ZEB1: variants seen among roughly 807,000 people sequenced by gnomAD.
The protein encoded by ZEB1 is zinc finger E-box-binding homeobox 1.
ZEB1 carries 21 observed loss-of-function variants against 84.9 expected under a neutral mutation model. That is an observed-to-expected ratio of 0.25 (90% CI 0.18 to 0.36). The LOEUF (loss-of-function observed/expected upper bound fraction) is 0.36. Among genes scored for constraint, ZEB1 ranks in the 10% least tolerant of loss-of-function variants. The probability of loss-of-function intolerance (pLI) is 1.00; values close to 1 mark genes in which losing one functional copy is unlikely to be tolerated. For synonymous variants in ZEB1, 420 were observed against 471.1 expected, an observed-to-expected ratio of 0.89 and a Z score of 1.41; for missense variants, 1,104 against 1,330.2, an observed-to-expected ratio of 0.83 and a Z score of 2.65.
intron 1 of ZEB1, among the ~76,000 whole-genome samples, chr10:31,409,985 T>C (rs1240975670): frequency 6.6e-6 from 1 of 152,184 alleles, no homozygotes; most frequent in Non-Finnish European, 1.5e-5. Flanking sequence ...CCTCTTCCTA[T>C]TTGAATACCT....
intron 1 of ZEB1, among the ~76,000 whole-genome samples, chr10:31,347,200 A>G (rs1163325638): frequency 6.6e-6 from 1 of 152,186 alleles, no homozygotes; most frequent in African/African-American, 2.4e-5. Context: ...TAAAGAAACT[A>G]AAGCAATGTA....
chr10:31,501,520 T>A (rs1042193427), intron 3 of ZEB1, among the ~76,000 whole-genome samples: 2 of 152,196 alleles, frequency 1.3e-5, no homozygotes, highest in African/African-American at 4.8e-5. Context: ...GAAATCCTTC[T>A]TACTATAGAT....
intron 1 of ZEB1, among the ~76,000 whole-genome samples, chr10:31,377,350 C>G (rs1004457933): frequency 1.3e-4 from 20 of 151,630 alleles, no homozygotes; most frequent in Non-Finnish European, 5.9e-5. Context: ...TGAGACTGCT[C>G]TGCCACTAGT....
At position 31,527,093 on chromosome 10, in the gene ZEB1, G is replaced by T; in HGVS notation, c.3207G>T (p.Glu1069Asp). 5.6e-6 allele frequency: 9 copies of T among 1,595,044 alleles called. No homozygotes were observed. Among genetic ancestry groups the T allele is most frequent in the Non-Finnish European group, 7.7e-6 (9 of 1,169,120 alleles). The change falls in exon 9 of 9, where the codon GAG becomes GAT. Residue 1069 changes from glutamate to aspartate, a missense_variant. Glu to Asp is a conservative substitution (Grantham distance 45). This residue lies in a region of ZEB1 where 173 missense variants were observed against 167.0 expected (regional missense o/e 1.04). Transcript: ENST00000424869. ...KPQGDEEEEEEEEEVEEEEVE... is the reference protein window; with the variant it reads ...KPQGDEEEEEDEEEVEEEEVE... Reference sequence around the variant, plus strand: ...AAGGGGATGAGGAAGAGGAGGAGGAGGAGGAAGAAGTGGAAGAAGAAGAGG... The same window carrying T: ...AAGGGGATGAGGAAGAGGAGGAGGATGAGGAAGAAGTGGAAGAAGAAGAGG...
intron 4 of ZEB1, among the ~76,000 whole-genome samples, chr10:31,508,579 C>G (rs2069390229): frequency 6.6e-6 from 1 of 152,096 alleles, no homozygotes; most frequent in African/African-American, 2.4e-5. Context: ...GCTGGGTCAT[C>G]CCCACGTCCC....
chr10:31,424,007 TG>T (rs773973268), intron 1 of ZEB1, among the ~76,000 whole-genome samples: 4 of 152,038 alleles, frequency 2.6e-5, no homozygotes, highest in Non-Finnish European at 4.4e-5. Flanking sequence ...TATTTGCTTT[TG>T]TTTTTTTGTT....
At chr10:31,319,206 T>C, upstream of ZEB1, 4 of 1,581,294 alleles carry the variant, frequency 2.5e-6, no homozygotes, top group African/African-American at 1.4e-5. Context: ...AGGAGGTGAC[T>C]CGAGCATTTA....
intron 2 of ZEB1, among the ~76,000 whole-genome samples, chr10:31,471,752 A>G (rs2063287257): frequency 7.0e-6 from 1 of 143,398 alleles, no homozygotes; most frequent in Non-Finnish European, 1.5e-5. Flanking sequence ...AATCAACAGA[A>G]TATACATTTT....
intron 5 of ZEB1, among the ~76,000 whole-genome samples, chr10:31,513,590 C>T (rs1021591072): frequency 6.6e-6 from 1 of 152,058 alleles, no homozygotes; most frequent in Admixed American, 6.6e-5. Context: ...AATTCTCTTT[C>T]CTTCCTGTAT....
chr10:31,375,017 A>C (rs1314876533), intron 1 of ZEB1: 2 of 148,656 alleles, frequency 1.3e-5, no homozygotes, highest in African/African-American at 2.5e-5. Flanking sequence ...ATCTTTTTAA[A>C]GAAGGGAATG....
At position 31,324,433 on chromosome 10, in the gene ZEB1, G is replaced by A. The variant is rs116547660; in HGVS notation, c.58+5141G>A. Among the ~76,000 whole-genome samples, 1,229 of 152,114 alleles carry A rather than the reference G, an allele frequency of 8.1e-3. 22 individuals carry two copies. The highest frequency in any genetic ancestry group is 0.028 in the African/African-American group (1,174 of 41,550). Reference sequence around the variant, plus strand: ...ACCTGTATAAATCACTTTTAAGCATGTGGTTAGAGCCAGATGTAAACACAG... The same window carrying A: ...ACCTGTATAAATCACTTTTAAGCATATGGTTAGAGCCAGATGTAAACACAG... On this transcript the variant is annotated intron_variant, in intron 1 of 8. Transcript: ENST00000424869.
chr10:31,476,186 T>C (rs2064147956), intron 2 of ZEB1, among the ~76,000 whole-genome samples: 1 of 151,780 alleles, frequency 6.6e-6, no homozygotes. Context: ...GTTCTTTGAA[T>C]GGATAAACAA....
At chr10:31,406,827 TCTTATG>T (rs1183261771) in intron 1 of ZEB1, among the ~76,000 whole-genome samples, 3 of 152,260 alleles carry the variant, frequency 2.0e-5, no homozygotes, top group African/African-American at 7.2e-5. Flanking sequence ...TGGTTTTAGG[TCTTATG>T]TTTAAGTGTT....
At chr10:31,476,143 AATG>A (rs759031041) in intron 2 of ZEB1, among the ~76,000 whole-genome samples, 1 of 152,086 alleles carries the variant, frequency 6.6e-6, no homozygotes, top group Non-Finnish European at 1.5e-5. Flanking sequence ...ACCAAAAAAA[AATG>A]ATGAAAAGGA....
chr10:31,521,278 A>G lies in ZEB1; in HGVS notation c.1946A>G (p.Glu649Gly), dbSNP rs768896481. 6.2e-7 allele frequency: 1 copy of G among 1,614,064 alleles called. No individual in the cohort carries two copies. Among genetic ancestry groups the G allele is most frequent in the South Asian group, 1.1e-5 (1 of 91,080 alleles). Residue 649 changes from glutamate to glycine, a missense_variant, in exon 7 of 9, where the codon GAA (glutamate) becomes GGA (glycine). This residue lies in a region of ZEB1 where 531 missense variants were observed against 575.2 expected (regional missense o/e 0.92). Coordinates refer to ENST00000424869, the MANE Select transcript of ZEB1 (RefSeq NM_001174096.2). Reference sequence around the variant, plus strand: ...CAGTCTTCTGAACCATCTTCTCCTGAACCAGGCAAAGTAAATATCCCTGCC... The same window carrying G: ...CAGTCTTCTGAACCATCTTCTCCTGGACCAGGCAAAGTAAATATCCCTGCC... ...SVQSSEPSSP[E>G]PGKVNIPAKN...
intron 1 of ZEB1, among the ~76,000 whole-genome samples, chr10:31,426,363 T>C (rs2056926980): frequency 6.6e-6 from 1 of 152,026 alleles, no homozygotes; most frequent in African/African-American, 2.4e-5. Context: ...TAAGAGATAC[T>C]TGGGGAAAAG....
chr10:31,394,318 A>G (rs528323906), intron 1 of ZEB1, among the ~76,000 whole-genome samples: 53 of 152,324 alleles, frequency 3.5e-4, no homozygotes, highest in Middle Eastern at 3.4e-3. Context: ...GCAAGTCAAT[A>G]TTAGATACTA....
chr10:31,400,483 CATTT>C lies in ZEB1; in HGVS notation c.59-60550_59-60547del, dbSNP rs371870659. Among the ~76,000 whole-genome samples, 20 of 151,792 alleles carry C rather than the reference CATTT, an allele frequency of 1.3e-4. No individual in the cohort carries two copies. In the South Asian group the frequency reaches 4.0e-3, roughly 30 times the overall value. ...TTTTGCACAGATCCTTAGCTTTGACCATTTATTCTATTTTTAAAGTGTGGAATAC... is the reference window on the plus strand; with the variant it reads ...TTTTGCACAGATCCTTAGCTTTGACCATTCTATTTTTAAAGTGTGGAATAC... On this transcript the variant is annotated intron_variant, in intron 1 of 8. Coordinates refer to ENST00000424869, the MANE Select transcript of ZEB1 (RefSeq NM_001174096.2).
At chr10:31,440,280 G>A (rs1029822485) in intron 1 of ZEB1, among the ~76,000 whole-genome samples, 2 of 152,092 alleles carry the variant, frequency 1.3e-5, no homozygotes, top group African/African-American at 4.8e-5. Flanking sequence ...AGAAATCCAA[G>A]TGGTGATATC....
Sources: allele counts gnomAD v4.1 joint callset (sites outside exome capture counted in the v4.1 genomes callset), GRCh38; gene constraint gnomAD v4.1.1; regional missense constraint gnomAD v4.1.1; transcripts MANE v1.5; gene names NCBI Gene and HGNC (gene_info 2026-07-23, HGNC 2026-07-21).